CREM: variants seen among roughly 807,000 people sequenced by gnomAD.
The protein encoded by CREM is cAMP responsive element modulator.
CREM carries 13 observed loss-of-function variants against 37.3 expected under a neutral mutation model. That is an observed-to-expected ratio of 0.35 (90% confidence interval 0.23 to 0.55). The LOEUF is 0.55. Among genes scored for constraint, CREM ranks in the 20% least tolerant of loss-of-function variants. CREM has a pLI of 0.88. For synonymous variants in CREM, 124 were observed against 120.2 expected (o/e 1.03, Z -0.21); for missense variants, 296 against 362.3 (o/e 0.82, Z 1.49).
intron 6 of CREM, among the ~76,000 whole-genome samples, chr10:35,191,086 T>TTTTTTTTATTTA (rs148704946): frequency 3.4e-5 from 5 of 147,990 alleles, no homozygotes; most frequent in African/African-American, 1.2e-4. Flanking sequence ...ACATTTTTCT[T>TTTTTTTTATTTA]TTTATTTATT....
At chr10:35,210,701 T>A (rs968041722) in intron 7 of CREM, 1 of 152,256 alleles carries the variant, frequency 6.6e-6, no homozygotes, top group African/African-American at 2.4e-5. Flanking sequence ...TTTATTGTTA[T>A]GATTTATCCA....
intron 3 of CREM, among the ~76,000 whole-genome samples, chr10:35,175,324 T>C (rs1301858922): frequency 6.6e-6 from 1 of 152,100 alleles, no homozygotes; most frequent in Non-Finnish European, 1.5e-5. Context: ...CGGGCACCTG[T>C]AGTCCCAGCT....
chr10:35,175,841 T>C (rs954782328), intron 3 of CREM: 2 of 1,593,934 alleles, frequency 1.3e-6, no homozygotes, highest in East Asian at 2.3e-5. Flanking sequence ...TCAATGGTGA[T>C]CATTTTGGCA....
chr10:35,203,724 T>G (rs112406676), intron 6 of CREM, among the ~76,000 whole-genome samples: 5 of 152,118 alleles, frequency 3.3e-5, no homozygotes, highest in African/African-American at 1.2e-4. Context: ...AGTTTTTTTT[T>G]TTGTTTTTTG....
intron 6 of CREM, chr10:35,196,133 C>G (rs749338581): frequency 6.2e-7 from 1 of 1,611,668 alleles, no homozygotes; most frequent in South Asian, 1.1e-5. Context: ...GCCGTCCCTG[C>G]ATGCGCCTGG....
At chr10:35,187,104 T>TAA in intron 5 of CREM, among the ~76,000 whole-genome samples, 1 of 77,404 alleles carries the variant, frequency 1.3e-5, no homozygotes, top group African/African-American at 5.4e-5. Flanking sequence ...ATATATGATA[T>TAA]ATATTATATA....
chr10:35,180,517 A>C (rs1414696121), intron 5 of CREM, among the ~76,000 whole-genome samples: 1 of 152,040 alleles, frequency 6.6e-6, no homozygotes, highest in Non-Finnish European at 1.5e-5. Flanking sequence ...ATTGAGGGGA[A>C]CTCCTACCAT....
intron 7 of CREM, among the ~76,000 whole-genome samples, chr10:35,209,834 G>T (rs1406024166): frequency 1.3e-5 from 2 of 152,140 alleles, no homozygotes; most frequent in Non-Finnish European, 2.9e-5. Flanking sequence ...GCATCATTTA[G>T]ATTAAATTAG....
chr10:35,198,336 A>G (rs892046996), intron 6 of CREM, among the ~76,000 whole-genome samples: 10 of 152,084 alleles, frequency 6.6e-5, no homozygotes, highest in Admixed American at 2.6e-4. Flanking sequence ...CAGCCTGGCC[A>G]ACATGGTGAA....
chr10:35,211,114 G>A lies in CREM; in HGVS notation c.756-140G>A, dbSNP rs138251656. On this transcript the variant is annotated intron_variant, in intron 7 of 7. Coordinates refer to ENST00000685392, the MANE Select transcript of CREM (RefSeq NM_183011.2). ...TTATCTTACAAAAAGCATGTGCCTG[G>A]TTATGTTTGTTATGTGGCTTTGTAC... 2,966 of 733,436 alleles carry A rather than the reference G, an allele frequency of 4.0e-3. 25 individuals carry two copies. Among genetic ancestry groups the A allele is most frequent in the Non-Finnish European group, 3.4e-3 (1,589 of 471,546 alleles). The allele number at this position is 733,436 out of a possible 1,614,324, so 45.4% of individuals were successfully genotyped here. A position where few individuals can be genotyped will look rare whatever the true frequency, so the allele number is the denominator to read the frequency against.
chr10:35,140,737 G>A (rs1335799205), intron 2 of CREM, among the ~76,000 whole-genome samples: 1 of 152,194 alleles, frequency 6.6e-6, no homozygotes, highest in Non-Finnish European at 1.5e-5. Context: ...GAAAGTTGGT[G>A]TCCTCGAACC....
chr10:35,139,590 TG>T (rs998234857), intron 2 of CREM, among the ~76,000 whole-genome samples: 27 of 152,190 alleles, frequency 1.8e-4, no homozygotes, highest in African/African-American at 6.5e-4. Context: ...AATTGCCCAT[TG>T]GTTCTTTTCT....
At chr10:35,195,206 A>T (rs768951563) in intron 6 of CREM, 2 of 1,614,002 alleles carry the variant, frequency 1.2e-6, no homozygotes, top group Non-Finnish European at 1.7e-6. Context: ...GTAACTGGAG[A>T]TGACACAGGT....
At chr10:35,135,146 C>T (rs1373877515) in intron 1 of CREM, among the ~76,000 whole-genome samples, 2 of 152,024 alleles carry the variant, frequency 1.3e-5, no homozygotes, top group Non-Finnish European at 2.9e-5. Flanking sequence ...TTTTTGTAAT[C>T]ATACCTAATA....
At chr10:35,176,135 T>G in intron 3 of CREM, 6 of 1,295,968 alleles carry the variant, frequency 4.6e-6, no homozygotes, top group Non-Finnish European at 6.2e-6. Flanking sequence ...GAGGAATCTC[T>G]TCTCCTTGCG....
chr10:35,137,829 C>T lies in CREM; in HGVS notation c.-7C>T. Reference sequence around the variant, plus strand: ...GGAGGAAAGCATTGATTACAAATATCTTAACAATGAGCAAATGTGCAAGGA... The same window carrying T: ...GGAGGAAAGCATTGATTACAAATATTTTAACAATGAGCAAATGTGCAAGGA... On this transcript the variant is annotated 5_prime_UTR_variant, in exon 2 of 8. Transcript: ENST00000685392. 1.3e-6 allele frequency: 2 copies of T among 1,565,664 alleles called. No homozygotes were observed. Among genetic ancestry groups the T allele is most frequent in the Non-Finnish European group, 1.7e-6 (2 of 1,150,338 alleles).
intron 5 of CREM, chr10:35,179,567 G>A (rs2133177325): frequency 3.0e-6 from 1 of 334,266 alleles, no homozygotes; most frequent in Non-Finnish European, 5.4e-6. Context: ...GTAAAACATT[G>A]TTTTTGTTGT....
rs1194380269 is a variant in CREM at position 35,212,628 on chromosome 10, A to T, written c.*1230A>T. ...CCCTTTCTACCATCTCACGGTGGGG[A>T]TGGCCGCAGGGCTGTGCACCCAGAA... On this transcript the variant is annotated 3_prime_UTR_variant, in exon 8 of 8. Coordinates refer to ENST00000685392, the MANE Select transcript of CREM (RefSeq NM_183011.2). 1.3e-5 allele frequency: 2 copies of T among 152,666 alleles called. No individual in the cohort carries two copies. Among genetic ancestry groups the T allele is most frequent in the East Asian group, 3.8e-4 (2 of 5,332 alleles). The allele number at this position is 152,666 out of a possible 1,614,324, so 9.5% of individuals were successfully genotyped here. A position where few individuals can be genotyped will look rare whatever the true frequency, so the allele number is the denominator to read the frequency against.
At chr10:35,134,807 G>A (rs2090157438) in intron 1 of CREM, among the ~76,000 whole-genome samples, 1 of 152,140 alleles carries the variant, frequency 6.6e-6, no homozygotes, top group Admixed American at 6.5e-5. Context: ...GGAGGCCGAG[G>A]CAGGCGGATC....
Sources: allele counts gnomAD v4.1 joint callset (sites outside exome capture counted in the v4.1 genomes callset), GRCh38; gene constraint gnomAD v4.1.1; transcripts MANE v1.5; gene names NCBI Gene and HGNC (gene_info 2026-07-23, HGNC 2026-07-21).